Variants in IQSEC3 observed in about 807,000 individuals in gnomAD.
IQSEC3 encodes IQ motif and Sec7 domain ArfGEF 3.
IQSEC3 carries 50 observed loss-of-function variants against 105.4 expected under a neutral mutation model. That is an observed-to-expected ratio of 0.47 (90% CI 0.38 to 0.60). The LOEUF (loss-of-function observed/expected upper bound fraction) is 0.60. Ranked by LOEUF, IQSEC3 falls within the 20% of genes least tolerant of loss-of-function variation. IQSEC3 has a pLI of 0.00. For missense variants in IQSEC3, 1,415 were observed against 1,630.0 expected (o/e 0.87, Z 2.27); for synonymous variants, 708 against 746.0 (o/e 0.95, Z 0.83).
intron 5 of IQSEC3, among the ~76,000 whole-genome samples, chr12:142,860 T>C (rs574015620): frequency 6.6e-6 from 1 of 152,298 alleles, no homozygotes; most frequent in African/African-American, 2.4e-5. Context: ...CCTGCACTGT[T>C]GTCCCAGTCC....
At chr12:98,976 G>C (rs556176373) in intron 1 of IQSEC3, among the ~76,000 whole-genome samples, 170 bp from the exon 2 acceptor site, 1 of 152,158 alleles carries the variant, frequency 6.6e-6, no homozygotes, top group Admixed American at 6.5e-5. Context: ...ACAGAGCATC[G>C]ATGCTGCACT....
chr12:154,441 G>A (rs923774286), intron 5 of IQSEC3, among the ~76,000 whole-genome samples: 3 of 152,182 alleles, frequency 2.0e-5, no homozygotes, highest in Non-Finnish European at 4.4e-5. Flanking sequence ...GGAGGAACGT[G>A]GATGTGGGAA....
At chr12:123,188 C>T (rs4980975) in intron 2 of IQSEC3, among the ~76,000 whole-genome samples, 39,580 of 152,050 alleles carry the variant, frequency 0.26, 5,849 homozygotes, top group Non-Finnish European at 0.33. Flanking sequence ...GACAATCATT[C>T]GAGCCCAGGA....
intron 3 of IQSEC3, among the ~76,000 whole-genome samples, chr12:135,877 G>A (rs1250037331): frequency 6.6e-6 from 1 of 152,214 alleles, no homozygotes; most frequent in African/African-American, 2.4e-5. Context: ...AGCCCTGACT[G>A]ATATCTTGGT....
chr12:127,780 C>G (rs1164809152), intron 3 of IQSEC3, among the ~76,000 whole-genome samples: 1 of 152,072 alleles, frequency 6.6e-6, no homozygotes, highest in East Asian at 1.9e-4. Flanking sequence ...GATATTAGCC[C>G]TTTGTCAGAT....
chr12:149,691 A>G (rs782714908), intron 5 of IQSEC3, among the ~76,000 whole-genome samples: 9 of 152,152 alleles, frequency 5.9e-5, no homozygotes, highest in Non-Finnish European at 1.3e-4. Flanking sequence ...GATAAACGCA[A>G]TGGTCGACAG....
chr12:159,287 C>A (rs183770327), intron 7 of IQSEC3, among the ~76,000 whole-genome samples: 1 of 152,354 alleles, frequency 6.6e-6, no homozygotes, highest in Admixed American at 6.5e-5. Context: ...GGAGAGTCAT[C>A]TTCCGGGAGC....
intron 13 of IQSEC3, among the ~76,000 whole-genome samples, chr12:172,516 G>A (rs1173082531): frequency 1.3e-5 from 2 of 152,158 alleles, no homozygotes; most frequent in Non-Finnish European, 2.9e-5. Context: ...CTATCTGCAA[G>A]GCTGCCACCC....
chr12:163,843 C>T (rs868972244), intron 9 of IQSEC3, among the ~76,000 whole-genome samples: 2 of 152,190 alleles, frequency 1.3e-5, no homozygotes, highest in Admixed American at 6.5e-5. Flanking sequence ...GACACCGAGA[C>T]GTCAGATGAT....
At chr12:163,045 C>G (rs1866970008) in intron 8 of IQSEC3, among the ~76,000 whole-genome samples, 1 of 152,038 alleles carries the variant, frequency 6.6e-6, no homozygotes, top group South Asian at 2.1e-4. Context: ...CAGGGATGAG[C>G]CCTGGGACAG....
chr12:127,588 G>A (rs560295186), intron 3 of IQSEC3, among the ~76,000 whole-genome samples: 82 of 151,774 alleles, frequency 5.4e-4, no homozygotes, highest in African/African-American at 1.6e-3. Flanking sequence ...AAAAAAAGTC[G>A]GATGAAATGT....
intron 1 of IQSEC3, among the ~76,000 whole-genome samples, chr12:71,847 G>A (rs1220806990): frequency 4.6e-5 from 7 of 152,338 alleles, no homozygotes; most frequent in Admixed American, 3.9e-4. Context: ...CCAGCAGGGA[G>A]AGAGTTTCTA....
intron 5 of IQSEC3, among the ~76,000 whole-genome samples, chr12:156,325 G>T (rs1487278735): frequency 6.6e-6 from 1 of 152,212 alleles, no homozygotes; most frequent in South Asian, 2.1e-4. Flanking sequence ...GCAAGCCAGA[G>T]TCACACCAAG....
intron 2 of IQSEC3, among the ~76,000 whole-genome samples, chr12:107,402 CTTTTTT>C (rs58053657): frequency 2.6e-5 from 2 of 75,984 alleles, no homozygotes; most frequent in Admixed American, 2.0e-4. Context: ...AGTCTGTTTT[CTTTTTT>C]TTTTTTTTTT....
intron 2 of IQSEC3, among the ~76,000 whole-genome samples, chr12:116,769 C>G (rs551860865): frequency 1.3e-5 from 2 of 152,164 alleles, no homozygotes; most frequent in South Asian, 2.1e-4. Context: ...GAGGCTCCCA[C>G]GAGGATGGCT....
chr12:125,304 G>A (rs1165525915), intron 2 of IQSEC3, among the ~76,000 whole-genome samples: 1 of 152,202 alleles, frequency 6.6e-6, no homozygotes, highest in African/African-American at 2.4e-5. Context: ...GAGGCTGAGT[G>A]ACCTGCTCAG....
At chr12:130,881 G>A (rs532995761) in intron 3 of IQSEC3, among the ~76,000 whole-genome samples, 48 of 151,946 alleles carry the variant, frequency 3.2e-4, no homozygotes, top group South Asian at 1.5e-3. Flanking sequence ...ACCCGGGCTC[G>A]CCAGGCCAAG....
At chr12:168,574 A>G (rs1938800072) in intron 11 of IQSEC3, among the ~76,000 whole-genome samples, 1 of 152,234 alleles carries the variant, frequency 6.6e-6, no homozygotes, top group Non-Finnish European at 1.5e-5. Context: ...CTTAAGGAGT[A>G]CAGGTCACTA....
intron 1 of IQSEC3, among the ~76,000 whole-genome samples, chr12:98,934 G>GC (rs1268128623): frequency 5.3e-5 from 8 of 152,324 alleles, no homozygotes; most frequent in Non-Finnish European, 8.8e-5. Context: ...TCTGAATTGA[G>GC]CCTAATGGGT....
Sources: gnomAD v4.1 joint callset for allele counts (sites outside exome capture counted in the v4.1 genomes callset) on GRCh38, gnomAD v4.1.1 for gene constraint, MANE v1.5 for transcripts, NCBI Gene and HGNC (gene_info 2026-07-23, HGNC 2026-07-21) for gene names.